Variants in MAML2 observed in about 807,000 individuals in gnomAD.
MAML2 encodes mastermind like transcriptional coactivator 2.
Under a neutral mutation model 96.1 loss-of-function variants are expected in MAML2, and 22 were observed. The observed-to-expected ratio is 0.23, with a 90% CI of 0.16 to 0.33. The LOEUF (loss-of-function observed/expected upper bound fraction) is 0.33, where lower values mean the gene tolerates loss of function less well. Ranked by LOEUF, MAML2 falls within the 10% of genes least tolerant of loss-of-function variation. The probability of loss-of-function intolerance (pLI) is 1.00; values close to 1 mark genes in which losing one functional copy is unlikely to be tolerated. For missense variants in MAML2, 1,367 were observed against 1,392.4 expected (o/e 0.98, Z 0.29); for synonymous variants, 561 against 521.3 (o/e 1.08, Z -1.04).
intron 4 of MAML2, among the ~76,000 whole-genome samples, chr11:95,982,217 G>A (rs1857751221): frequency 6.6e-6 from 1 of 152,178 alleles, no homozygotes; most frequent in Non-Finnish European, 1.5e-5. Flanking sequence ...GGATGCTAAG[G>A]ATTTCTCCCT....
At chr11:96,196,878 G>GC (rs1555022908) in intron 1 of MAML2, among the ~76,000 whole-genome samples, 1 of 113,340 alleles carries the variant, frequency 8.8e-6, no homozygotes, top group East Asian at 2.4e-4. Flanking sequence ...ACCACCCTCG[G>GC]CTTTTTTTTT....
chr11:96,160,612 C>T (rs1199938343), intron 1 of MAML2, among the ~76,000 whole-genome samples: 1 of 151,952 alleles, frequency 6.6e-6, no homozygotes, highest in Non-Finnish European at 1.5e-5. Context: ...ATTTTTAGTA[C>T]ATATGGGGTT....
chr11:96,072,084 G>A (rs1412409304), intron 2 of MAML2, among the ~76,000 whole-genome samples: 4 of 152,094 alleles, frequency 2.6e-5, no homozygotes, highest in Admixed American at 6.5e-5. Context: ...GTTCAGCCTT[G>A]AAATAATTAT....
At chr11:96,206,029 C>A (rs1311489702) in intron 1 of MAML2, among the ~76,000 whole-genome samples, 1 of 151,158 alleles carries the variant, frequency 6.6e-6, no homozygotes, top group African/African-American at 2.4e-5. Context: ...CTTATATGAA[C>A]TTTCTGGTTC....
intron 1 of MAML2, among the ~76,000 whole-genome samples, chr11:96,338,876 G>A (rs1370098128): frequency 6.6e-6 from 1 of 152,138 alleles, no homozygotes; most frequent in Non-Finnish European, 1.5e-5. Flanking sequence ...AATAAGAGGA[G>A]CCCGAGTAAA....
At chr11:96,128,529 C>T (rs1860491181) in intron 1 of MAML2, among the ~76,000 whole-genome samples, 1 of 152,208 alleles carries the variant, frequency 6.6e-6, no homozygotes, top group South Asian at 2.1e-4. Context: ...TTGCTTGACA[C>T]ACACATGATC....
At chr11:96,315,306 AATG>A (rs1863614497) in intron 1 of MAML2, among the ~76,000 whole-genome samples, 1 of 152,312 alleles carries the variant, frequency 6.6e-6, no homozygotes, top group East Asian at 1.9e-4. Flanking sequence ...AAAGGCTGGA[AATG>A]ATAACTCTAA....
At chr11:96,159,307 C>T (rs1861062668) in intron 1 of MAML2, among the ~76,000 whole-genome samples, 1 of 151,956 alleles carries the variant, frequency 6.6e-6, no homozygotes, top group South Asian at 2.1e-4. Flanking sequence ...TTTAAATCAT[C>T]AGCCCTAAAT....
At position 96,138,764 on chromosome 11, in the gene MAML2, C is replaced by T. The variant is rs139273554; in HGVS notation, c.514-45247G>A. Among the ~76,000 whole-genome samples, 402 of 151,880 alleles carry T rather than the reference C, an allele frequency of 2.6e-3. 6 individuals carry two copies. The highest frequency in any genetic ancestry group is 0.018 in the Admixed American group (277 of 15,254). ...CCCAAAAAGCTTTCCAGGTAGAGAT[C>T]GGTGAGTTTCTATGATCCCCAGAAC... On this transcript the variant is annotated intron_variant, in intron 1 of 4. Transcript: ENST00000524717.
At chr11:96,305,377 G>T (rs1177392847) in intron 1 of MAML2, among the ~76,000 whole-genome samples, 1 of 152,120 alleles carries the variant, frequency 6.6e-6, no homozygotes, top group Non-Finnish European at 1.5e-5. Flanking sequence ...TGTCAATGTA[G>T]GTCCACTAAT....
In MAML2 at chr11:95,991,728, A is replaced by G. The variant is rs1282537945; in HGVS notation, c.2140-5T>C. ...GCCTACCACAGAGTGTTGATCCTAA[A>G]GAAGAGAAAGGGGGAAGGAAAAGCT... On this transcript the variant is annotated splice_region_variant and splice_polypyrimidine_tract_variant and intron_variant, in intron 2 of 4. Coordinates refer to ENST00000524717, the MANE Select transcript of MAML2 (RefSeq NM_032427.4). The G allele has an allele frequency of 1.2e-6, 2 of 1,612,006 alleles. No individual in the cohort carries two copies. The highest frequency in any genetic ancestry group is 2.7e-5 in the African/African-American group (2 of 74,840).
chr11:96,026,590 C>A (rs1858522716), intron 2 of MAML2, among the ~76,000 whole-genome samples: 1 of 152,128 alleles, frequency 6.6e-6, no homozygotes, highest in Non-Finnish European at 1.5e-5. Flanking sequence ...TCCCCCTATT[C>A]TTTATGTAAC....
chr11:96,330,681 G>A (rs1311565407), intron 1 of MAML2, among the ~76,000 whole-genome samples: 1 of 152,246 alleles, frequency 6.6e-6, no homozygotes, highest in Non-Finnish European at 1.5e-5. Context: ...TCACTTGTGT[G>A]TGGGCAGTTG....
Position 96,117,314 on chromosome 11 carries a change from G to A in MAML2, c.514-23797C>T, listed in dbSNP as rs148621045. Among the ~76,000 whole-genome samples the A allele has an allele frequency of 2.7e-3, 370 of 136,692 alleles. 3 individuals are homozygous for A. Among genetic ancestry groups the A allele is most frequent in the African/African-American group, 9.4e-3 (345 of 36,768 alleles). 89.7% of individuals were successfully genotyped at this position (136,692 alleles called of 152,430 possible). A position where few individuals can be genotyped will look rare whatever the true frequency, so the allele number is the denominator to read the frequency against. On this transcript the variant is annotated intron_variant, in intron 1 of 4. Transcript: ENST00000524717. ...CTTTTTTTTTTTTTTTAAATTTTTT[G>A]AGACAGGGTCTCGCTCTGTTGCCTA... is the stretch of plus-strand genomic sequence containing the variant.
intron 1 of MAML2, among the ~76,000 whole-genome samples, chr11:96,276,943 T>A (rs1451079581): frequency 2.0e-5 from 3 of 152,000 alleles, no homozygotes; most frequent in African/African-American, 7.2e-5. Flanking sequence ...ATCCCACTGA[T>A]ATTTATCAAG....
intron 1 of MAML2, among the ~76,000 whole-genome samples, chr11:96,116,284 G>A (rs190549215): frequency 3.9e-5 from 6 of 152,176 alleles, no homozygotes; most frequent in Admixed American, 3.9e-4. Flanking sequence ...CTTCTCACTG[G>A]GTGGGTTCTT....
At chr11:96,172,747 C>T (rs1225841316) in intron 1 of MAML2, among the ~76,000 whole-genome samples, 1 of 152,208 alleles carries the variant, frequency 6.6e-6, no homozygotes, top group Non-Finnish European at 1.5e-5. Context: ...TATGAATTTA[C>T]TCAGCTGGTT....
intron 1 of MAML2, among the ~76,000 whole-genome samples, chr11:96,274,173 C>T (rs1479464952): frequency 6.7e-6 from 1 of 150,298 alleles, no homozygotes; most frequent in East Asian, 2.0e-4. Context: ...AGCTCCGCCT[C>T]GCGGGTTCAC....
At position 96,341,527 on chromosome 11, in the gene MAML2, G is replaced by GGCT. The variant is rs1200611576; in HGVS notation, c.366_368dup (p.Ala123dup). On this transcript the variant is annotated inframe_insertion, in exon 1 of 5. Transcript: ENST00000524717. ...GGTGATAGTCTGGTGGGGGCGGTGGGGCTGCTGTTGCTGCTGCTTGGGAGG... is the reference window on the plus strand; with the variant it reads ...GGTGATAGTCTGGTGGGGGCGGTGGGGCTGCTGCTGTTGCTGCTGCTTGGGAGG... 1.9e-6 allele frequency: 3 copies of GGCT among 1,551,458 alleles called. No homozygotes were observed. The highest frequency in any genetic ancestry group is 2.0e-5 in the Admixed American group (1 of 51,000).
Sources: gnomAD v4.1 joint callset for allele counts (sites outside exome capture counted in the v4.1 genomes callset) on GRCh38, gnomAD v4.1.1 for gene constraint, MANE v1.5 for transcripts, NCBI Gene and HGNC (gene_info 2026-07-23, HGNC 2026-07-21) for gene names.